DDX39B: variants seen among roughly 807,000 people sequenced by gnomAD.
DDX39B encodes spliceosome RNA helicase DDX39B.
In DDX39B, 6 loss-of-function variants were observed where a neutral mutation model predicts 46.4. That is an observed-to-expected ratio of 0.13 (90% CI 0.07 to 0.26). DDX39B has a LOEUF of 0.26. Ranked by LOEUF, DDX39B falls within the 10% of genes least tolerant of loss-of-function variation. The pLI, the probability that DDX39B is intolerant of heterozygous loss-of-function variation, is 1.00. For missense variants in DDX39B, 185 were observed against 553.4 expected (o/e 0.33, Z 6.68); for synonymous variants, 174 against 199.4 (o/e 0.87, Z 1.07).
chr6:31,538,072 A>G (rs1216559637), intron 4 of DDX39B, among the ~76,000 whole-genome samples: 7 of 152,160 alleles, frequency 4.6e-5, no homozygotes, highest in Non-Finnish European at 8.8e-5. Flanking sequence ...AATAACTAAC[A>G]TAAGTCGACC....
Position 31,530,847 on chromosome 6 carries a change from T to C in DDX39B, c.1202A>G (p.Asn401Ser). ...GACCTCAAAGCGATCCTGCACATCA[T>C]TGAGGATCTTGGCATCATTCTCATC... ...VSDENDAKIL[N>S]DVQDRFEVNI... Residue 401 changes from asparagine (N) to serine (S), a missense_variant, in exon 10 of 11, where the codon AAT becomes AGT. Asn to Ser is a conservative substitution (Grantham distance 46). This residue lies in a region of DDX39B where 22 missense variants were observed against 52.3 expected (regional missense o/e 0.42). Transcript: ENST00000396172. This position sits in a 1 kb window ranked among gnomAD's most constrained non-coding sequence, Gnocchi z 4.5. 1.9e-6 allele frequency: 3 copies of C among 1,614,004 alleles called. No homozygotes were observed. The highest frequency in any genetic ancestry group is 2.5e-6 in the Non-Finnish European group (3 of 1,180,038).
chr6:31,540,603 G>T lies in DDX39B; in HGVS notation c.-71C>A. 7.0e-7 allele frequency: 1 copy of T among 1,431,200 alleles called. No individual in the cohort carries two copies. Among genetic ancestry groups the T allele is most frequent in the Non-Finnish European group, 9.8e-7 (1 of 1,022,584 alleles). 88.7% of individuals were successfully genotyped at this position (1,431,200 alleles called of 1,614,324 possible). On this transcript the variant is annotated 5_prime_UTR_variant, in exon 2 of 11. Coordinates refer to ENST00000396172, the MANE Select transcript of DDX39B (RefSeq NM_004640.7). Reference sequence around the variant, plus strand: ...CTCGCAAAATAGGTGAAAACAAGGGGTGAAGAGTAGGGGATTGAGGAACAG... The same window carrying T: ...CTCGCAAAATAGGTGAAAACAAGGGTTGAAGAGTAGGGGATTGAGGAACAG...
chr6:31,533,032 T>C (rs760240494), intron 6 of DDX39B, 121 bp from the exon 7 acceptor site: 3 of 626,868 alleles, frequency 4.8e-6, no homozygotes, highest in Non-Finnish European at 8.8e-6. Context: ...AAAGAGAAGA[T>C]TGAAAACCCC....
Position 31,535,940 on chromosome 6 carries a change from G to A in DDX39B, c.617-455C>T, listed in dbSNP as rs1337042980. 6.6e-6 allele frequency among the ~76,000 whole-genome samples: 1 copy of A among 152,064 alleles called. No homozygotes were observed. Among genetic ancestry groups the A allele is most frequent in the Non-Finnish European group, 1.5e-5 (1 of 68,030 alleles). On this transcript the variant is annotated intron_variant, in intron 5 of 10. Transcript: ENST00000396172. The surrounding 1 kb of genome is among the most constrained non-coding windows in gnomAD (Gnocchi z 4.6). ...CCTTTATAGCTCACCATATAGAATT[G>A]CCAAAGATCATTTGTAATGACTTAT...
intron 5 of DDX39B, 58 bp downstream of exon 5, chr6:31,536,442 C>CA: frequency 6.2e-7 from 1 of 1,609,134 alleles, no homozygotes; most frequent in South Asian, 1.1e-5. Flanking sequence ...AAATAAACAT[C>CA]ATTTGGCTCC....
Position 31,534,893 on chromosome 6 carries a change from C to G in DDX39B, c.735+474G>C, listed in dbSNP as rs866731098. ...AGGGGAGGATTCATTTGTGCTGATG[C>G]TCTTCTTTTGGACATGCCCTGCCAT... is the stretch of plus-strand genomic sequence containing the variant. On this transcript the variant is annotated intron_variant, in intron 6 of 10. Coordinates refer to ENST00000396172, the MANE Select transcript of DDX39B (RefSeq NM_004640.7). This position sits in a 1 kb window ranked among gnomAD's most constrained non-coding sequence, Gnocchi z 5.1. 1 of 270,346 alleles carries G rather than the reference C, an allele frequency of 3.7e-6. No homozygotes were observed. Among genetic ancestry groups the G allele is most frequent in the Non-Finnish European group, 7.4e-6 (1 of 135,836 alleles). The allele number at this position is 270,346 out of a possible 1,614,324, so 16.7% of individuals were successfully genotyped here.
rs1443419198 is a variant in DDX39B, at chr6:31,539,042, G to C, written c.339+105C>G. The C allele has an allele frequency of 2.5e-6, 4 of 1,591,586 alleles. No individual in the cohort carries two copies. In the East Asian group the frequency reaches 8.9e-5, roughly 36 times the overall value. On this transcript the variant is annotated intron_variant, in intron 3 of 10. Coordinates refer to ENST00000396172, the MANE Select transcript of DDX39B (RefSeq NM_004640.7). ...CTGTCAGGTTGTCAAGGGTAACAGA[G>C]GTCATGTGCTCATGGCTCTGCAAGC...
Position 31,535,565 on chromosome 6 carries a change from G to C in DDX39B, c.617-80C>G. 1 of 1,082,336 alleles carries C rather than the reference G, an allele frequency of 9.2e-7. No homozygotes were observed. Among genetic ancestry groups the C allele is most frequent in the South Asian group, 1.4e-5 (1 of 72,252 alleles). 67.0% of individuals were successfully genotyped at this position (1,082,336 alleles called of 1,614,324 possible). A position where few individuals can be genotyped will look rare whatever the true frequency, so the allele number is the denominator to read the frequency against. ...AGATTAGAGGTAGACTTCCCAGTGAGGTGAAGATTGCTGGAAATAGTAACA... is the reference window on the plus strand; with the variant it reads ...AGATTAGAGGTAGACTTCCCAGTGACGTGAAGATTGCTGGAAATAGTAACA... On this transcript the variant is annotated intron_variant, in intron 5 of 10. Transcript: ENST00000396172. This position sits in a 1 kb window ranked among gnomAD's most constrained non-coding sequence, Gnocchi z 4.6.
chr6:31,535,272 G>T lies in DDX39B; in HGVS notation c.735+95C>A. The stretch of plus-strand genomic sequence containing the variant: ...CAGTTGGGCACAAGCCGCCTTCTTG[G>T]CACTTGAATGACAAGGGAGTCTGAG... On this transcript the variant is annotated intron_variant, in intron 6 of 10. Transcript: ENST00000396172. This position sits in a 1 kb window ranked among gnomAD's most constrained non-coding sequence, Gnocchi z 4.6. The T allele has an allele frequency of 8.1e-7, 1 of 1,235,384 alleles. No homozygotes were observed. The highest frequency in any genetic ancestry group is 1.2e-6 in the Non-Finnish European group (1 of 837,908). The allele number at this position is 1,235,384 out of a possible 1,614,324, so 76.5% of individuals were successfully genotyped here.
At chr6:31,539,383 A>G (rs146591430) in intron 2 of DDX39B, 109 bp from the exon 3 acceptor site, 21,137 of 1,492,118 alleles carry the variant, frequency 0.014, 213 homozygotes, top group Non-Finnish European at 0.017. Flanking sequence ...AAAGTCTAGT[A>G]TTTACCTGGT....
At chr6:31,541,041 C>G in intron 1 of DDX39B, 2 of 514,362 alleles carry the variant, frequency 3.9e-6, no homozygotes, top group South Asian at 2.9e-5. Context: ...CTGAAAAGTC[C>G]TCAAAGGAAG....
chr6:31,533,884 T>C (rs1292912754), intron 6 of DDX39B: 1 of 152,254 alleles, frequency 6.6e-6, no homozygotes, highest in East Asian at 1.9e-4. Flanking sequence ...AAAGCCCAAC[T>C]TTCCTAACAC....
At chr6:31,539,675 G>A (rs1390574083) in intron 2 of DDX39B, among the ~76,000 whole-genome samples, 1 of 152,134 alleles carries the variant, frequency 6.6e-6, no homozygotes, top group East Asian at 1.9e-4. Context: ...TACAACCCTG[G>A]ACAAAATGAA....
chr6:31,539,337 C>A, intron 2 of DDX39B, 63 bp from the exon 3 acceptor site: 1 of 1,578,302 alleles, frequency 6.3e-7, no homozygotes, highest in Non-Finnish European at 8.6e-7. Flanking sequence ...CTACCTTTTT[C>A]ACCATGCCAA....
Position 31,535,046 on chromosome 6 carries a change from T to G in DDX39B, c.735+321A>C. On this transcript the variant is annotated intron_variant, in intron 6 of 10. Transcript: ENST00000396172. The surrounding 1 kb of genome is among the most constrained non-coding windows in gnomAD (Gnocchi z 4.6). Reference sequence around the variant, plus strand: ...TAGGGTGCATGTAAGAGACGATGGATGGGTGGGTGGTAGGGCAGAAAAATC... The same window carrying G: ...TAGGGTGCATGTAAGAGACGATGGAGGGGTGGGTGGTAGGGCAGAAAAATC... 9.7e-6 allele frequency: 4 copies of G among 411,196 alleles called. No homozygotes were observed. The highest frequency in any genetic ancestry group is 1.4e-5 in the Non-Finnish European group (3 of 219,042). 25.5% of individuals were successfully genotyped at this position (411,196 alleles called of 1,614,324 possible).
rs943980115 is a variant in DDX39B, at chr6:31,534,879, C to T, written c.735+488G>A. ...CCTGGAGGTGGGGAAGGGGAGGATT[C>T]ATTTGTGCTGATGCTCTTCTTTTGG... On this transcript the variant is annotated intron_variant, in intron 6 of 10. Transcript: ENST00000396172. This position sits in a 1 kb window ranked among gnomAD's most constrained non-coding sequence, Gnocchi z 5.1. 7.3e-6 allele frequency: 2 copies of T among 273,298 alleles called. No homozygotes were observed. The highest frequency in any genetic ancestry group is 9.2e-5 in the Admixed American group (2 of 21,680). The allele number at this position is 273,298 out of a possible 1,614,324, so 16.9% of individuals were successfully genotyped here. A position where few individuals can be genotyped will look rare whatever the true frequency, so the allele number is the denominator to read the frequency against.
intron 2 of DDX39B, among the ~76,000 whole-genome samples, chr6:31,539,955 T>A (rs1255744731): frequency 6.7e-6 from 1 of 148,632 alleles, no homozygotes; most frequent in African/African-American, 2.5e-5. Context: ...ATAAGCCTCC[T>A]CTATCCAAAA....
At position 31,539,167 on chromosome 6, in the gene DDX39B, G is replaced by A. The variant is rs750007290; in HGVS notation, c.319C>T (p.Leu107=). Residue 107 remains leucine (L), a synonymous_variant, in exon 3 of 11, where the codon CTG becomes TTG. Transcript: ENST00000396172. ...AVFVLATLQQ[L]EPVTGQVSVL... ...TATACCTGCCCAGTAACTGGCTCCA[G>A]CTGTTGCAGTGTGGCCAAGACAAAC... 1 of 1,613,122 alleles carries A rather than the reference G, an allele frequency of 6.2e-7. No homozygotes were observed. The highest frequency in any genetic ancestry group is 1.3e-5 in the African/African-American group (1 of 74,892).
At chr6:31,539,997 T>C (rs1353123174) in intron 2 of DDX39B, among the ~76,000 whole-genome samples, 1 of 152,162 alleles carries the variant, frequency 6.6e-6, no homozygotes, top group Non-Finnish European at 1.5e-5. Flanking sequence ...TGATTTTTTC[T>C]TCCTCACTGT....
Sources: gnomAD v4.1 joint callset for allele counts (sites outside exome capture counted in the v4.1 genomes callset) on GRCh38, gnomAD v4.1.1 for gene constraint, gnomAD v4.1.1 regional missense constraint, Gnocchi (gnomAD v3.1) non-coding constraint, MANE v1.5 for transcripts, NCBI Gene and HGNC (gene_info 2026-07-23, HGNC 2026-07-21) for gene names.